SYNPR: variants seen among roughly 807,000 people sequenced by gnomAD.
The protein encoded by SYNPR is synaptoporin.
In SYNPR, 23 loss-of-function variants were observed where a neutral mutation model predicts 32.9. The ratio of observed to expected loss-of-function variants is 0.70; its 90% CI spans 0.50 to 0.99. The LOEUF (loss-of-function observed/expected upper bound fraction) is 0.99, where lower values mean the gene tolerates loss of function less well. SYNPR is among the 50% of genes least tolerant of loss of function. The probability of loss-of-function intolerance (pLI) is 0.00; values close to 1 mark genes in which losing one functional copy is unlikely to be tolerated. For synonymous variants in SYNPR, 146 were observed against 135.9 expected (o/e 1.07, Z -0.52); for missense variants, 318 against 349.3 (o/e 0.91, Z 0.71).
At chr3:63,431,451 A>G (rs1160118377) in intron 2 of SYNPR, among the ~76,000 whole-genome samples, 1 of 152,188 alleles carries the variant, frequency 6.6e-6, no homozygotes, top group African/African-American at 2.4e-5. Flanking sequence ...TCACTTGCAA[A>G]ATATTGGGTT....
At position 63,574,551 on chromosome 3, in the gene SYNPR, C is replaced by T. The variant is rs543904216; in HGVS notation, c.408+17810C>T. ...TAAACATCCCATGAGGCAAAGGATA[C>T]TCTAAAACAACAATGAATTATCTGG... On this transcript the variant is annotated intron_variant, in intron 4 of 5. Transcript: ENST00000478300. Among the ~76,000 whole-genome samples, 163 of 152,176 alleles carry T rather than the reference C, an allele frequency of 1.1e-3. 1 individual carries two copies. Among genetic ancestry groups the T allele is most frequent in the African/African-American group, 3.7e-3 (153 of 41,546 alleles).
At chr3:63,436,270 G>A (rs1199667847) in intron 2 of SYNPR, among the ~76,000 whole-genome samples, 2 of 151,592 alleles carry the variant, frequency 1.3e-5, no homozygotes, top group African/African-American at 4.9e-5. Context: ...CCAGGTTGGT[G>A]TGCTGCACTC....
intron 3 of SYNPR, among the ~76,000 whole-genome samples, chr3:63,484,086 C>T (rs983838166): frequency 6.6e-6 from 1 of 152,138 alleles, no homozygotes; most frequent in African/African-American, 2.4e-5. Context: ...TTCTAGATAA[C>T]TCACAAAGTA....
At chr3:63,222,355 TGAGTAA>T in the SYNPR span, among the ~76,000 whole-genome samples, 1 of 152,166 alleles carries the variant, frequency 6.6e-6, no homozygotes, top group African/African-American at 2.4e-5. Flanking sequence ...GCCTTGAGTT[TGAGTAA>T]AAGAGTCTTA....
At chr3:63,322,504 A>T (rs1380203088) in intron 2 of SYNPR, among the ~76,000 whole-genome samples, 3 of 152,082 alleles carry the variant, frequency 2.0e-5, no homozygotes, top group Admixed American at 1.3e-4. Context: ...CCAAAAATGT[A>T]TACGCTTGAC....
At chr3:63,263,375 T>C (rs1486975327) in intron 2 of SYNPR, among the ~76,000 whole-genome samples, 1 of 152,222 alleles carries the variant, frequency 6.6e-6, no homozygotes, top group Non-Finnish European at 1.5e-5. Flanking sequence ...CAGATGATAC[T>C]TTTTTAAGTG....
chr3:63,323,529 C>T (rs2087133214), intron 2 of SYNPR, among the ~76,000 whole-genome samples: 1 of 152,036 alleles, frequency 6.6e-6, no homozygotes, highest in South Asian at 2.1e-4. Flanking sequence ...GAAAGTACTT[C>T]TTTATACTCC....
At chr3:63,321,461 A>G (rs1212160185) in intron 2 of SYNPR, among the ~76,000 whole-genome samples, 1 of 152,064 alleles carries the variant, frequency 6.6e-6, no homozygotes, top group Non-Finnish European at 1.5e-5. Flanking sequence ...TACTGTTATT[A>G]TGCGGGTTAT....
chr3:63,345,113 A>G (rs904902655), intron 2 of SYNPR, among the ~76,000 whole-genome samples: 1 of 152,228 alleles, frequency 6.6e-6, no homozygotes, highest in African/African-American at 2.4e-5. Flanking sequence ...TTGAGCAGTA[A>G]ACAATGACTT....
intron 4 of SYNPR, among the ~76,000 whole-genome samples, chr3:63,605,243 A>T (rs146398289): frequency 2.6e-5 from 4 of 152,352 alleles, no homozygotes; most frequent in African/African-American, 9.6e-5. Flanking sequence ...GGAGGGGACC[A>T]TTAATGAGGA....
upstream of SYNPR, among the ~76,000 whole-genome samples, chr3:63,225,205 G>A (rs887808030): frequency 6.6e-6 from 1 of 152,212 alleles, no homozygotes; most frequent in African/African-American, 2.4e-5. Flanking sequence ...TGTATTCTAT[G>A]TGTGTTATTG....
chr3:63,249,442 T>C (rs916072880), intron 1 of SYNPR, among the ~76,000 whole-genome samples: 1 of 152,170 alleles, frequency 6.6e-6, no homozygotes, highest in African/African-American at 2.4e-5. Flanking sequence ...TTATTGTCTA[T>C]ATTCTTACAT....
intron 2 of SYNPR, among the ~76,000 whole-genome samples, chr3:63,306,613 A>G (rs2086913337): frequency 1.3e-5 from 2 of 152,038 alleles, no homozygotes; most frequent in Admixed American, 1.3e-4. Context: ...AATGATAAAG[A>G]TCAAAGTTAG....
At chr3:63,401,171 A>C (rs1382577163) in intron 2 of SYNPR, among the ~76,000 whole-genome samples, 3 of 152,150 alleles carry the variant, frequency 2.0e-5, no homozygotes, top group African/African-American at 7.2e-5. Context: ...TGTACTCATA[A>C]AGGTATTAGA....
At chr3:63,253,040 GAAAAAAA>G (rs200342050) in intron 2 of SYNPR, among the ~76,000 whole-genome samples, 1 of 124,036 alleles carries the variant, frequency 8.1e-6, no homozygotes. Context: ...CTCTGTCTCA[GAAAAAAA>G]AAAAAAAAAA....
intron 2 of SYNPR, among the ~76,000 whole-genome samples, chr3:63,326,325 G>A (rs1313357169): frequency 1.6e-5 from 1 of 62,734 alleles, no homozygotes; most frequent in Non-Finnish European, 4.6e-5. Flanking sequence ...AGACAGCAGA[G>A]GCTGAAGCTG....
At position 63,278,577 on chromosome 3, in the gene SYNPR, T is replaced by G. The variant is rs370005576; in HGVS notation, c.18+26T>G. The G allele has an allele frequency of 1.9e-4, 287 of 1,551,026 alleles. No homozygotes were observed. In the African/African-American group the frequency reaches 3.5e-3, roughly 19 times the overall value. ...GTGAGACAGAACTGGGCAGGGCGGCTGGCTGGGAGCAGGGGGCGGGGGATG... is the reference window on the plus strand; with the variant it reads ...GTGAGACAGAACTGGGCAGGGCGGCGGGCTGGGAGCAGGGGGCGGGGGATG... On this transcript the variant is annotated intron_variant, in intron 1 of 5. Coordinates refer to ENST00000478300, the MANE Select transcript of SYNPR (RefSeq NM_001130003.2).
At chr3:63,209,764 G>T in the SYNPR span, among the ~76,000 whole-genome samples, 1 of 152,090 alleles carries the variant, frequency 6.6e-6, no homozygotes, top group Non-Finnish European at 1.5e-5. Context: ...ACTTACACAC[G>T]CTCATAGCAT....
chr3:63,351,564 G>A (rs530968297), intron 2 of SYNPR: 4 of 152,200 alleles, frequency 2.6e-5, no homozygotes, highest in East Asian at 1.9e-4. Flanking sequence ...AAATTTGGGA[G>A]CAGTGGGTGA....
Sources: gnomAD v4.1 joint callset for allele counts (sites outside exome capture counted in the v4.1 genomes callset) on GRCh38, gnomAD v4.1.1 for gene constraint, MANE v1.5 for transcripts, NCBI Gene and HGNC (gene_info 2026-07-23, HGNC 2026-07-21) for gene names.